IGSF11: variants seen among roughly 807,000 people sequenced by gnomAD.
IGSF11 encodes immunoglobulin superfamily member 11.
In IGSF11, 22 loss-of-function variants were observed where a neutral mutation model predicts 41.0. The observed-to-expected ratio is 0.54, with a 90% CI of 0.38 to 0.77. The LOEUF (loss-of-function observed/expected upper bound fraction) is 0.77. Ranked by LOEUF, IGSF11 falls within the 30% of genes least tolerant of loss-of-function variation. The pLI is 0.00. For synonymous variants in IGSF11, 219 were observed against 201.3 expected, an observed-to-expected ratio of 1.09 and a Z score of -0.74; for missense variants, 444 against 530.8, an observed-to-expected ratio of 0.84 and a Z score of 1.61.
intron 1 of IGSF11, among the ~76,000 whole-genome samples, chr3:118,973,107 T>TAGA (rs753732816): frequency 6.6e-6 from 1 of 152,202 alleles, no homozygotes; most frequent in African/African-American, 2.4e-5. Flanking sequence ...TCTCTGCTGC[T>TAGA]CTCTCACCCA....
At chr3:119,135,110 T>A (rs568663949) in intron 1 of IGSF11, among the ~76,000 whole-genome samples, 38 of 152,274 alleles carry the variant, frequency 2.5e-4, no homozygotes, top group African/African-American at 9.1e-4. Flanking sequence ...ATAAAAACCC[T>A]AGAAGAAAAC....
chr3:119,060,627 T>G (rs1475257002), intron 1 of IGSF11, among the ~76,000 whole-genome samples: 1 of 152,142 alleles, frequency 6.6e-6, no homozygotes, highest in African/African-American at 2.4e-5. Context: ...AAACTGAGAT[T>G]CAAAGAAGCT....
In IGSF11 at chr3:119,010,406, C is replaced by T. The variant is rs76234110; in HGVS notation, c.52+24125G>A. ...CAACTTAACTAGAGTAAGGGATATCCGGAAAGTGGGTAAACATTATTTCTG... is the reference window on the plus strand; with the variant it reads ...CAACTTAACTAGAGTAAGGGATATCTGGAAAGTGGGTAAACATTATTTCTG... On this transcript the variant is annotated intron_variant, in intron 1 of 6. Coordinates refer to ENST00000393775, the MANE Select transcript of IGSF11 (RefSeq NM_001015887.3). Among the ~76,000 whole-genome samples, 280 of 152,242 alleles carry T rather than the reference C, an allele frequency of 1.8e-3. 6 individuals carry two copies. The East Asian group carries it at 0.031, about 17-fold the overall frequency.
chr3:119,080,228 A>G (rs1037222529), intron 1 of IGSF11, among the ~76,000 whole-genome samples: 6 of 152,210 alleles, frequency 3.9e-5, no homozygotes, highest in African/African-American at 1.4e-4. Flanking sequence ...TAATTTTTCT[A>G]TGCTTAGTAA....
intron 1 of IGSF11, among the ~76,000 whole-genome samples, chr3:118,999,038 AT>A (rs1936548873): frequency 6.6e-6 from 1 of 151,986 alleles, no homozygotes; most frequent in African/African-American, 2.4e-5. Flanking sequence ...TGTGTAGGAA[AT>A]GGGGGTGCAC....
rs187561336 is a variant in IGSF11 at position 119,120,640 on chromosome 3, T to C, written c.-13-15435A>G. 5.9e-5 allele frequency among the ~76,000 whole-genome samples: 9 copies of C among 152,302 alleles called. No individual in the cohort carries two copies. In the East Asian group the frequency reaches 7.7e-4, roughly 13 times the overall value. ...GCCATTTACATAGCCCGTGAAAAGA[T>C]TGGCCTCCCACCCTAACCTTTTGTT... On this transcript the variant is annotated intron_variant, in intron 1 of 7. Coordinates refer to the IGSF11 transcript ENST00000425327.
chr3:119,126,853 G>C (rs967880188), intron 1 of IGSF11, among the ~76,000 whole-genome samples: 1 of 151,984 alleles, frequency 6.6e-6, no homozygotes, highest in Non-Finnish European at 1.5e-5. Flanking sequence ...CAACAAAAAG[G>C]CATCTACAAA....
intron 1 of IGSF11, among the ~76,000 whole-genome samples, chr3:119,089,123 T>C (rs1198670326): frequency 6.6e-6 from 1 of 151,866 alleles, no homozygotes; most frequent in Non-Finnish European, 1.5e-5. Context: ...AGAGGCATAA[T>C]AAAAAGAGAA....
At chr3:118,999,907 T>G (rs1450364075) in intron 1 of IGSF11, among the ~76,000 whole-genome samples, 2 of 150,242 alleles carry the variant, frequency 1.3e-5, no homozygotes, top group East Asian at 2.0e-4. Context: ...ACACCCAGAG[T>G]TGTTGGAAAA....
intron 1 of IGSF11, among the ~76,000 whole-genome samples, chr3:119,055,434 T>C (rs1941792563): frequency 6.6e-6 from 1 of 152,114 alleles, no homozygotes; most frequent in African/African-American, 2.4e-5. Flanking sequence ...CCTAAATACA[T>C]ATGCACCCAA....
intron 1 of IGSF11, among the ~76,000 whole-genome samples, chr3:119,061,590 G>T (rs934887956): frequency 3.9e-5 from 6 of 152,070 alleles, no homozygotes; most frequent in African/African-American, 1.4e-4. Flanking sequence ...TGCATCTTTG[G>T]CTTTTCTTGT....
intron 1 of IGSF11, among the ~76,000 whole-genome samples, chr3:119,065,729 G>A (rs1400204433): frequency 7.0e-6 from 1 of 142,752 alleles, no homozygotes; most frequent in African/African-American, 2.7e-5. Flanking sequence ...GGAGGTGGAT[G>A]TTGCAGTGAG....
At chr3:118,990,120 A>C (rs1192219925) in intron 1 of IGSF11, among the ~76,000 whole-genome samples, 1 of 152,224 alleles carries the variant, frequency 6.6e-6, no homozygotes, top group Non-Finnish European at 1.5e-5. Flanking sequence ...TTTACAGTTC[A>C]GGCTTTGGAC....
At chr3:119,107,088 T>A (rs2077044193), upstream of IGSF11, among the ~76,000 whole-genome samples, 1 of 152,220 alleles carries the variant, frequency 6.6e-6, no homozygotes, top group African/African-American at 2.4e-5. Flanking sequence ...TTTATAGTCC[T>A]TTGGGTATAT....
intron 1 of IGSF11, among the ~76,000 whole-genome samples, chr3:119,104,527 G>A (rs1318676276): frequency 6.6e-6 from 1 of 152,050 alleles, no homozygotes; most frequent in Non-Finnish European, 1.5e-5. Context: ...CAAAAGCACT[G>A]TGCTAAGCAA....
chr3:118,947,739 C>T (rs1374015095), intron 1 of IGSF11: 1 of 152,148 alleles, frequency 6.6e-6, no homozygotes, highest in Non-Finnish European at 1.5e-5. Context: ...TCTTTGTGCC[C>T]CTTTTTAGTC....
chr3:119,068,916 CTTTTTTTTTTCTTTT>C (rs1942313685), intron 1 of IGSF11, among the ~76,000 whole-genome samples: 1 of 114,140 alleles, frequency 8.8e-6, no homozygotes, highest in African/African-American at 3.7e-5. Flanking sequence ...TGGTTATTTT[CTTTTTTTTTTCTTTT>C]TTTTTTTTTT....
chr3:119,034,434 C>G (rs1940730986), intron 1 of IGSF11, 97 bp downstream of exon 1: 3 of 1,217,114 alleles, frequency 2.5e-6, no homozygotes, highest in East Asian at 6.3e-5. Context: ...CGACCCTCGG[C>G]AAAGCAAGGA....
chr3:118,979,092 T>TA (rs1934434606), intron 1 of IGSF11, among the ~76,000 whole-genome samples: 1 of 151,792 alleles, frequency 6.6e-6, no homozygotes, highest in Non-Finnish European at 1.5e-5. Context: ...ATAGATATAA[T>TA]AAAAAAGATA....
Sources: allele counts gnomAD v4.1 joint callset (sites outside exome capture counted in the v4.1 genomes callset), GRCh38; gene constraint gnomAD v4.1.1; transcripts MANE v1.5; gene names NCBI Gene and HGNC (gene_info 2026-07-23, HGNC 2026-07-21).